The following ADPRHL1 variants were observed in gnomAD, a reference collection of about 807,000 sequenced individuals.
ADPRHL1 encodes inactive ADP-ribosyltransferase ARH2.
In ADPRHL1, 43 loss-of-function variants were observed where a neutral mutation model predicts 44.1. That is an observed-to-expected ratio of 0.98 (90% CI 0.76 to 1.26). The LOEUF is 1.26. Ranked by LOEUF, ADPRHL1 falls within the 50% of genes most tolerant of loss-of-function variation. The pLI is 0.00. For missense variants in ADPRHL1, 2,022 were observed against 2,496.9 expected, an observed-to-expected ratio of 0.81 and a Z score of 4.05; for synonymous variants, 878 against 1,017.4, an observed-to-expected ratio of 0.86 and a Z score of 2.61.
At chr13:113,446,732 C>T (rs1043309242) in intron 1 of ADPRHL1, among the ~76,000 whole-genome samples, 12 of 151,990 alleles carry the variant, frequency 7.9e-5, no homozygotes, top group Non-Finnish European at 1.3e-4. Context: ...CATAGCATTG[C>T]GCTGTGTAAA....
At chr13:113,417,003 G>A (rs930408564) in intron 7 of ADPRHL1, among the ~76,000 whole-genome samples, 13 of 152,254 alleles carry the variant, frequency 8.5e-5, no homozygotes, top group African/African-American at 2.9e-4. Context: ...AGTTGTCGGA[G>A]CTAGTTTTTT....
At position 113,406,215 on chromosome 13, in the gene ADPRHL1, T is replaced by C. The variant is rs2043807415; in HGVS notation, c.3067A>G (p.Ser1023Gly). 1 of 1,232,180 alleles carries C rather than the reference T, an allele frequency of 8.1e-7. No homozygotes were observed. Among genetic ancestry groups the C allele is most frequent in the East Asian group, 3.2e-5 (1 of 31,696 alleles). 76.3% of individuals were successfully genotyped at this position (1,232,180 alleles called of 1,614,324 possible). A position where few individuals can be genotyped will look rare whatever the true frequency, so the allele number is the denominator to read the frequency against. The change falls in exon 8 of 8, where the codon AGC becomes GGC. Residue 1023 changes from serine (S) to glycine (G), a missense_variant. By Grantham distance (56) the Ser-to-Gly change is moderately conservative (BLOSUM62 0). Transcript: ENST00000612156. ...GTCGGGGACGGCACTTGCTGGCTGC[T>C]GGAGGCATGGCTGGTGTTTCCCCTC... Reference protein sequence around the residue: ...LLRGNTSHASSSQQVPSPTGR... With the variant: ...LLRGNTSHASGSQQVPSPTGR...
rs1431990988 is a variant in ADPRHL1 at position 113,441,508 on chromosome 13, T to C, written c.379+2917A>G. 6.6e-6 allele frequency among the ~76,000 whole-genome samples: 1 copy of C among 152,232 alleles called. No homozygotes were observed. The highest frequency in any genetic ancestry group is 1.9e-4 in the East Asian group (1 of 5,194). On this transcript the variant is annotated intron_variant, in intron 2 of 7. Coordinates refer to ENST00000612156, the MANE Select transcript of ADPRHL1 (RefSeq NM_001394807.1). This position sits in a 1 kb window ranked among gnomAD's most constrained non-coding sequence, Gnocchi z 6.0. The stretch of plus-strand genomic sequence containing the variant: ...CTGTGGCATACACGGTGTGGGAACC[T>C]CACCGTCATCGGCTTCCATCTCTCC...
intron 1 of ADPRHL1, among the ~76,000 whole-genome samples, chr13:113,450,554 G>A (rs1254095437): frequency 1.3e-5 from 2 of 152,174 alleles, no homozygotes; most frequent in Non-Finnish European, 2.9e-5. Context: ...TGGATACAAG[G>A]CAGAAGGGGC....
At chr13:113,446,964 G>A (rs937609963) in intron 1 of ADPRHL1, among the ~76,000 whole-genome samples, 30 of 142,308 alleles carry the variant, frequency 2.1e-4, no homozygotes, top group Admixed American at 1.2e-3. Flanking sequence ...GGTGTTGTGT[G>A]TGCATGGTGT....
chr13:113,444,279 G>A lies in ADPRHL1; in HGVS notation c.379+146C>T, dbSNP rs181024248. 619 of 1,170,668 alleles carry A rather than the reference G, an allele frequency of 5.3e-4. 1 individual carries two copies. The highest frequency in any genetic ancestry group is 3.8e-4 in the Non-Finnish European group (314 of 824,958). The allele number at this position is 1,170,668 out of a possible 1,614,324, so 72.5% of individuals were successfully genotyped here. A position where few individuals can be genotyped will look rare whatever the true frequency, so the allele number is the denominator to read the frequency against. On this transcript the variant is annotated intron_variant, in intron 2 of 7. Transcript: ENST00000612156. ...CGCACTGGCCGGGCTGACCAGGAGGGGCCCCCACCCGACAAAGGGACTCTA... is the reference window on the plus strand; with the variant it reads ...CGCACTGGCCGGGCTGACCAGGAGGAGCCCCCACCCGACAAAGGGACTCTA...
Position 113,426,604 on chromosome 13 carries a change from G to A in ADPRHL1, c.647-1425C>T, listed in dbSNP as rs114079375. ...CAGGCACCCGCGACTCAGGCCCTCC[G>A]AAACTCTGGGCCAACTTGGTTTCAC... On this transcript the variant is annotated intron_variant, in intron 4 of 7. Coordinates refer to ENST00000612156, the MANE Select transcript of ADPRHL1 (RefSeq NM_001394807.1). 4.5e-3 allele frequency among the ~76,000 whole-genome samples: 679 copies of A among 152,330 alleles called. 2 individuals carry two copies. The highest frequency in any genetic ancestry group is 0.015 in the African/African-American group (630 of 41,572).
chr13:113,434,672 G>A (rs71446965), intron 2 of ADPRHL1, among the ~76,000 whole-genome samples: 1 of 142,568 alleles, frequency 7.0e-6, no homozygotes, highest in East Asian at 2.2e-4. Flanking sequence ...GGTGTACCCC[G>A]GGACCCGGCA....
At chr13:113,443,446 GAA>G (rs112291276) in intron 2 of ADPRHL1, among the ~76,000 whole-genome samples, 2 of 130,266 alleles carry the variant, frequency 1.5e-5, no homozygotes, top group African/African-American at 5.4e-5. Flanking sequence ...CTTCTCTACA[GAA>G]AAAAAAAAAA....
Position 113,433,729 on chromosome 13 carries a change from C to A in ADPRHL1, c.505+13G>T. On this transcript the variant is annotated intron_variant, in intron 3 of 7. Transcript: ENST00000612156. ...CCACGCTGACCTCCCTCCCACCCCC[C>A]GCCCACACTTACCTGTGGGATGGTT... 6.3e-7 allele frequency: 1 copy of A among 1,582,082 alleles called. No homozygotes were observed. Among genetic ancestry groups the A allele is most frequent in the Middle Eastern group, 2.2e-4 (1 of 4,578 alleles).
At chr13:113,444,652 C>A in intron 1 of ADPRHL1, 63 bp from the exon 2 acceptor site, 2 of 1,561,532 alleles carry the variant, frequency 1.3e-6, no homozygotes, top group East Asian at 2.3e-5. Flanking sequence ...GCCTCCCTCC[C>A]GCGGGGTCAG....
In ADPRHL1 at chr13:113,424,333, C is replaced by T; in HGVS notation, c.791G>A (p.Ser264Asn). The T allele has an allele frequency of 6.2e-7, 1 of 1,612,790 alleles. No individual in the cohort carries two copies. The change falls in exon 6 of 8, where the codon AGC becomes AAC. Residue 264 changes from serine to asparagine, a missense_variant. Around this residue, in one of 8 missense-constraint regions of ADPRHL1, gnomAD observed 437 missense variants for 430.7 expected, o/e 1.01. Coordinates refer to ENST00000612156, the MANE Select transcript of ADPRHL1 (RefSeq NM_001394807.1). ...TCGTCTTCCCCCTCGACCTTCCGAGCTCCACTTCCTGTAGGTCTGACAAGA... is the reference window on the plus strand; with the variant it reads ...TCGTCTTCCCCCTCGACCTTCCGAGTTCCACTTCCTGTAGGTCTGACAAGA... ...EEREKTYRKW[S>N]SEGRGGRRGH...
chr13:113,453,186 T>C lies in ADPRHL1; in HGVS notation c.214+38A>G, dbSNP rs750996355. On this transcript the variant is annotated intron_variant, in intron 1 of 7. Coordinates refer to ENST00000612156, the MANE Select transcript of ADPRHL1 (RefSeq NM_001394807.1). This position sits in a 1 kb window ranked among gnomAD's most constrained non-coding sequence, Gnocchi z 5.4. ...GAGAACTCGAGCAGCCAGTGTTCCC[T>C]CCAGCCCGCACACCGGAGCGCGGTG... The C allele has an allele frequency of 6.2e-7, 1 of 1,609,876 alleles. No homozygotes were observed. The highest frequency in any genetic ancestry group is 1.3e-5 in the African/African-American group (1 of 74,924).
intron 3 of ADPRHL1, among the ~76,000 whole-genome samples, chr13:113,432,415 C>T (rs2044013527): frequency 6.6e-6 from 1 of 152,248 alleles, no homozygotes; most frequent in Non-Finnish European, 1.5e-5. Flanking sequence ...GCACCTGCAC[C>T]TGGCAAATGC....
chr13:113,442,700 T>G (rs1047300288), intron 2 of ADPRHL1, among the ~76,000 whole-genome samples: 2 of 152,210 alleles, frequency 1.3e-5, no homozygotes, highest in Non-Finnish European at 2.9e-5. Flanking sequence ...TTCTTGTGCT[T>G]GGAATTGATT....
At chr13:113,427,707 C>T (rs763833756) in intron 4 of ADPRHL1, among the ~76,000 whole-genome samples, 2 of 152,242 alleles carry the variant, frequency 1.3e-5, no homozygotes, top group Non-Finnish European at 2.9e-5. Context: ...GCCAGGTGTG[C>T]TCAGCAGTCA....
intron 7 of ADPRHL1, among the ~76,000 whole-genome samples, chr13:113,421,368 C>T (rs1398625630): frequency 6.9e-6 from 1 of 144,788 alleles, no homozygotes; most frequent in Non-Finnish European, 1.5e-5. Flanking sequence ...GACACCTCTA[C>T]CCCTGGGACA....
At chr13:113,442,576 T>C (rs9577550) in intron 2 of ADPRHL1, among the ~76,000 whole-genome samples, 54,067 of 152,150 alleles carry the variant, frequency 0.36, 11,878 homozygotes, top group African/African-American at 0.62. Flanking sequence ...TCATTGTTAC[T>C]GTTGCTTCTC....
chr13:113,416,817 T>C (rs2043889249), intron 7 of ADPRHL1, among the ~76,000 whole-genome samples: 1 of 152,244 alleles, frequency 6.6e-6, no homozygotes, highest in African/African-American at 2.4e-5. Flanking sequence ...AGGAATTTCA[T>C]CTGAAATATT....
Sources: allele counts gnomAD v4.1 joint callset (sites outside exome capture counted in the v4.1 genomes callset), GRCh38; gene constraint gnomAD v4.1.1; regional missense constraint gnomAD v4.1.1; non-coding constraint Gnocchi (gnomAD v3.1); transcripts MANE v1.5; gene names NCBI Gene and HGNC (gene_info 2026-07-23, HGNC 2026-07-21).